Variants in TAFA2 observed in about 807,000 individuals in gnomAD.
The protein encoded by TAFA2 is TAFA chemokine like family member 2, also known as chemokine-like protein TAFA-2.
In TAFA2, 7 loss-of-function variants were observed where a neutral mutation model predicts 18.8. The observed-to-expected ratio is 0.37, with a 90% CI of 0.21 to 0.70. TAFA2 has a LOEUF of 0.70. TAFA2 is among the 30% of genes least tolerant of loss of function. The pLI, the probability that TAFA2 is intolerant of heterozygous loss-of-function variation, is 0.53. For missense variants in TAFA2, 122 were observed against 158.1 expected, an observed-to-expected ratio of 0.77 and a Z score of 1.23; for synonymous variants, 60 against 54.2, an observed-to-expected ratio of 1.11 and a Z score of -0.47.
intron 1 of TAFA2, among the ~76,000 whole-genome samples, chr12:62,173,576 C>G (rs1046818160): frequency 3.9e-5 from 6 of 152,158 alleles, no homozygotes; most frequent in African/African-American, 1.4e-4. Context: ...GCCTGAGTAT[C>G]TAGCATAAAC....
chr12:62,239,076 G>A (rs1565786289), intron 1 of TAFA2, among the ~76,000 whole-genome samples: 1 of 152,132 alleles, frequency 6.6e-6, no homozygotes, highest in Non-Finnish European at 1.5e-5. Context: ...TTCCACAGAA[G>A]CCAGCCTTTC....
intron 1 of TAFA2, among the ~76,000 whole-genome samples, chr12:61,914,992 G>A (rs1876763429): frequency 6.6e-6 from 1 of 151,914 alleles, no homozygotes; most frequent in Non-Finnish European, 1.5e-5. Context: ...GTGAAACTCT[G>A]TCTACTAAAA....
At chr12:61,729,633 A>AT (rs1404679005) in intron 4 of TAFA2, among the ~76,000 whole-genome samples, 1 of 151,694 alleles carries the variant, frequency 6.6e-6, no homozygotes, top group South Asian at 2.1e-4. Flanking sequence ...ATTCTGTATT[A>AT]TTTTTTAAAT....
intron 1 of TAFA2, among the ~76,000 whole-genome samples, chr12:62,120,842 ATTATTTATT>A (rs1399336259): frequency 6.7e-6 from 1 of 150,172 alleles, no homozygotes; most frequent in South Asian, 2.1e-4. Flanking sequence ...TATTATTATT[ATTATTTATT>A]TTATTTATTT....
chr12:61,852,506 T>C (rs933389905), intron 2 of TAFA2, among the ~76,000 whole-genome samples: 16 of 152,194 alleles, frequency 1.1e-4, no homozygotes, highest in African/African-American at 3.9e-4. Flanking sequence ...CATTATTCTT[T>C]GACTTCACAG....
chr12:62,189,918 A>G (rs1042632473), intron 1 of TAFA2, among the ~76,000 whole-genome samples: 2 of 147,754 alleles, frequency 1.4e-5, no homozygotes, highest in East Asian at 2.0e-4. Flanking sequence ...ACTTCAGAGT[A>G]AAGGTTGCTT....
intron 2 of TAFA2, among the ~76,000 whole-genome samples, chr12:61,865,964 T>C (rs1874337088): frequency 6.6e-6 from 1 of 152,136 alleles, no homozygotes; most frequent in Non-Finnish European, 1.5e-5. Flanking sequence ...AAAAGATGAG[T>C]ATTTAATACT....
chr12:62,165,267 A>G (rs1006897381), intron 1 of TAFA2, among the ~76,000 whole-genome samples: 1 of 151,982 alleles, frequency 6.6e-6, no homozygotes, highest in African/African-American at 2.4e-5. Flanking sequence ...CCTGAGCAAC[A>G]CCACGCTAAA....
At chr12:62,078,416 G>GAAAAAA (rs71450573) in intron 1 of TAFA2, among the ~76,000 whole-genome samples, 1 of 143,488 alleles carries the variant, frequency 7.0e-6, no homozygotes. Context: ...AGTATAATTG[G>GAAAAAA]AAAAAAAAAA....
intron 1 of TAFA2, chr12:62,258,303 A>G (rs1056224598): frequency 6.6e-6 from 1 of 152,210 alleles, no homozygotes; most frequent in African/African-American, 2.4e-5. Context: ...TCAAATTGGC[A>G]TTGAATTTAC....
intron 1 of TAFA2, among the ~76,000 whole-genome samples, chr12:62,164,118 G>A (rs1406281031): frequency 6.6e-6 from 1 of 152,064 alleles, no homozygotes; most frequent in African/African-American, 2.4e-5. Flanking sequence ...TCACAAGTAC[G>A]ATTCAAAGAA....
chr12:61,728,236 G>A (rs1187579486), intron 4 of TAFA2, among the ~76,000 whole-genome samples: 2 of 152,070 alleles, frequency 1.3e-5, no homozygotes, highest in African/African-American at 4.8e-5. Context: ...TATCTGTTAA[G>A]TCCATTTGTT....
chr12:62,178,182 CCTAA>C (rs1280398798), intron 1 of TAFA2, among the ~76,000 whole-genome samples: 1 of 152,084 alleles, frequency 6.6e-6, no homozygotes, highest in East Asian at 1.9e-4. Flanking sequence ...AGTCTGTAGT[CCTAA>C]CTTTTTGGAA....
rs548743997 is a variant in TAFA2 at position 62,088,937 on chromosome 12, C to T, written c.-2+102322G>A. ...GTGTGTGTGTGTGTGTGCACGCGCGCGCACGCATCTGTCTCACATACACAC... is the reference window on the plus strand; with the variant it reads ...GTGTGTGTGTGTGTGTGCACGCGCGTGCACGCATCTGTCTCACATACACAC... On this transcript the variant is annotated intron_variant, in intron 1 of 4. Coordinates refer to ENST00000416284, the MANE Select transcript of TAFA2 (RefSeq NM_178539.5). Among the ~76,000 whole-genome samples the T allele has an allele frequency of 2.3e-4, 35 of 152,018 alleles. No individual in the cohort carries two copies. The East Asian group carries it at 3.3e-3, about 14-fold the overall frequency.
chr12:61,807,020 G>GAAGACAAGATTGTTAAACCTAC (rs1348771653), intron 2 of TAFA2, among the ~76,000 whole-genome samples: 3 of 151,808 alleles, frequency 2.0e-5, no homozygotes, highest in African/African-American at 7.3e-5. Flanking sequence ...AGAAATTCAA[G>GAAGACAAGATTGTTAAACCTAC]CCAGCTGCAG....
Position 61,710,411 on chromosome 12 carries a change from G to A in TAFA2, c.391C>T (p.His131Tyr). 1 of 1,607,792 alleles carries A rather than the reference G, an allele frequency of 6.2e-7. No homozygotes were observed. The highest frequency in any genetic ancestry group is 8.5e-7 in the Non-Finnish European group (1 of 1,174,642). Residue 131 changes from histidine (H) to tyrosine (Y), a missense_variant, in exon 5 of 5, where the codon CAT becomes TAT. Physicochemically the swap from His to Tyr is moderately conservative, Grantham distance 83. Around this residue, in one of 2 missense-constraint regions of TAFA2, gnomAD observed 60 missense variants for 102.7 expected, o/e 0.58. Transcript: ENST00000416284. ...GNKVKTTRVT[H>Y] ...ATCACTTGATTTCTCCTGGGTTAAT[G>A]GGTTACCTACAAAGGAAGGAGAAAA...
intron 1 of TAFA2, among the ~76,000 whole-genome samples, chr12:61,958,939 G>A (rs1592514231): frequency 6.6e-6 from 1 of 151,778 alleles, no homozygotes; most frequent in East Asian, 1.9e-4. Flanking sequence ...TTTTGAACAT[G>A]GTATAAGATG....
intron 1 of TAFA2, among the ~76,000 whole-genome samples, chr12:61,871,486 G>A (rs148990937): frequency 1.5e-3 from 224 of 152,268 alleles, no homozygotes; most frequent in African/African-American, 5.1e-3. Flanking sequence ...CAAAATTTAA[G>A]TGAATTTTGC....
intron 1 of TAFA2, among the ~76,000 whole-genome samples, chr12:61,923,189 G>A (rs1002021196): frequency 1.3e-5 from 2 of 152,202 alleles, no homozygotes; most frequent in African/African-American, 2.4e-5. Flanking sequence ...GTTCCTGCCT[G>A]TCGGCTCTAA....
Sources: gnomAD v4.1 joint callset for allele counts (sites outside exome capture counted in the v4.1 genomes callset) on GRCh38, gnomAD v4.1.1 for gene constraint, gnomAD v4.1.1 regional missense constraint, MANE v1.5 for transcripts, NCBI Gene and HGNC (gene_info 2026-07-23, HGNC 2026-07-21) for gene names.